Variants in SRGAP1 observed in about 807,000 individuals in gnomAD.
SRGAP1 encodes SLIT-ROBO Rho GTPase activating protein 1, also known as SLIT-ROBO Rho GTPase-activating protein 1.
SRGAP1 carries 43 observed loss-of-function variants against 121.9 expected under a neutral mutation model. That is an observed-to-expected ratio of 0.35 (90% CI 0.28 to 0.46). The LOEUF is 0.46. SRGAP1 is among the 20% of genes least tolerant of loss of function. The probability of loss-of-function intolerance (pLI) is 1.00; values close to 1 mark genes in which losing one functional copy is unlikely to be tolerated. For missense variants in SRGAP1, 1,102 were observed against 1,350.9 expected (o/e 0.82, Z 2.89); for synonymous variants, 447 against 485.4 (o/e 0.92, Z 1.04).
At chr12:63,858,166 C>G (rs752034436) in intron 1 of SRGAP1, among the ~76,000 whole-genome samples, 1 of 140,260 alleles carries the variant, frequency 7.1e-6, no homozygotes, top group African/African-American at 2.7e-5. Context: ...AGGCTATCTT[C>G]GTTGTATTTT....
At chr12:63,888,335 C>A (rs146347934) in intron 1 of SRGAP1, 1 of 152,222 alleles carries the variant, frequency 6.6e-6, no homozygotes, top group African/African-American at 2.4e-5. Context: ...TAGTATTAAG[C>A]TTATTGTATT....
chr12:64,095,373 A>C (rs1287889131), intron 14 of SRGAP1, among the ~76,000 whole-genome samples, 169 bp downstream of exon 14: 1 of 152,176 alleles, frequency 6.6e-6, no homozygotes, highest in Non-Finnish European at 1.5e-5. Context: ...TGGTACCAAA[A>C]CTATAAGCCC....
intron 7 of SRGAP1, among the ~76,000 whole-genome samples, chr12:64,063,861 T>C (rs1217107177): frequency 1.3e-5 from 2 of 151,994 alleles, no homozygotes; most frequent in African/African-American, 2.4e-5. Context: ...TATAAGATCA[T>C]GAAAAGATTT....
intron 1 of SRGAP1, among the ~76,000 whole-genome samples, chr12:63,938,392 G>A (rs2031742970): frequency 1.3e-5 from 2 of 152,160 alleles, no homozygotes; most frequent in African/African-American, 2.4e-5. Context: ...CAGGGTGTCC[G>A]GTTGTGCTCG....
chr12:63,874,200 A>G (rs1034767579), intron 1 of SRGAP1, among the ~76,000 whole-genome samples: 2 of 152,106 alleles, frequency 1.3e-5, no homozygotes, highest in Non-Finnish European at 2.9e-5. Context: ...GAACCATTAG[A>G]AAGTATGACT....
intron 15 of SRGAP1, among the ~76,000 whole-genome samples, chr12:64,104,374 G>T (rs998253904): frequency 7.9e-5 from 12 of 152,092 alleles, no homozygotes; most frequent in African/African-American, 2.9e-4. Flanking sequence ...TTGAATTGTG[G>T]AAAACAAAGC....
At position 64,043,577 on chromosome 12, in the gene SRGAP1, T is replaced by G. The variant is rs1234068747; in HGVS notation, c.801+2T>G. 6.3e-7 allele frequency: 1 copy of G among 1,591,746 alleles called. No individual in the cohort carries two copies. On this transcript the variant is annotated splice_donor_variant, in intron 6 of 21. Coordinates refer to ENST00000355086, the MANE Select transcript of SRGAP1 (RefSeq NM_020762.4). LOFTEE classifies it high-confidence loss of function. ...CATGATCTTTCTGATTTAATTGATG[T>G]GAGTACTTGAAGTTTTTGTCTTTTC...
Position 64,128,018 on chromosome 12 carries a change from C to G in SRGAP1, c.2698C>G (p.Arg900Gly), listed in dbSNP as rs768091956. ...TCACCCCCGGGGCCTGCTGCAGAAC[C>G]GTGGCCTCAACAATGACAGTCCTGA... ...ASHPRGLLQN[R>G]GLNNDSPERR... The change falls in exon 21 of 22, where the codon CGT becomes GGT. Residue 900 changes from arginine (R) to glycine (G), a missense_variant. Arg to Gly is a moderately radical substitution (Grantham distance 125, BLOSUM62 -2). This residue lies in a region of SRGAP1 where 315 missense variants were observed against 343.1 expected (regional missense o/e 0.92). Transcript: ENST00000355086. The G allele has an allele frequency of 2.5e-6, 4 of 1,614,076 alleles. No homozygotes were observed. The African/African-American group carries it at 5.3e-5, about 22-fold the overall frequency.
intron 10 of SRGAP1, among the ~76,000 whole-genome samples, chr12:64,084,814 C>T (rs1254056695): frequency 3.3e-5 from 5 of 151,958 alleles, no homozygotes; most frequent in Admixed American, 3.3e-4. Context: ...AAGGAATTCT[C>T]ATTGGCATCA....
At chr12:64,135,626 A>G (rs947839338) in intron 21 of SRGAP1, among the ~76,000 whole-genome samples, 10 of 152,206 alleles carry the variant, frequency 6.6e-5, no homozygotes, top group African/African-American at 2.2e-4. Flanking sequence ...TATTTTGCAT[A>G]ACTCTCTAAA....
At chr12:63,900,992 A>AT (rs201391666) in intron 1 of SRGAP1, among the ~76,000 whole-genome samples, 7,270 of 142,508 alleles carry the variant, frequency 0.051, 257 homozygotes, top group Middle Eastern at 0.15. Flanking sequence ...TTGTGCACCT[A>AT]TTTTTTTTTT....
At chr12:64,024,019 T>C (rs2034603050) in intron 4 of SRGAP1, among the ~76,000 whole-genome samples, 1 of 152,168 alleles carries the variant, frequency 6.6e-6, no homozygotes, top group South Asian at 2.1e-4. Context: ...GCTAAAAGAA[T>C]CAGTAAAACT....
chr12:63,901,225 T>C (rs2029910724), intron 1 of SRGAP1, among the ~76,000 whole-genome samples: 1 of 152,198 alleles, frequency 6.6e-6, no homozygotes, highest in Non-Finnish European at 1.5e-5. Flanking sequence ...TTCTTGCTTC[T>C]CCATACTAAG....
chr12:63,974,804 C>T (rs931179193), intron 1 of SRGAP1, among the ~76,000 whole-genome samples: 3 of 152,132 alleles, frequency 2.0e-5, no homozygotes, highest in African/African-American at 7.2e-5. Context: ...TTCAGCCACC[C>T]TAAACTTCCT....
intron 3 of SRGAP1, among the ~76,000 whole-genome samples, chr12:64,010,936 C>T (rs1309950098): frequency 6.6e-6 from 1 of 150,990 alleles, no homozygotes; most frequent in African/African-American, 2.4e-5. Flanking sequence ...ATTATAAAAT[C>T]AAAAGGAAGG....
intron 1 of SRGAP1, among the ~76,000 whole-genome samples, chr12:63,956,365 T>TGGCTTTG (rs2032469803): frequency 6.6e-6 from 1 of 152,110 alleles, no homozygotes; most frequent in Non-Finnish European, 1.5e-5. Context: ...GCACCCAGCC[T>TGGCTTTG]AAGTGTCATT....
At chr12:63,920,841 G>C (rs1366206272) in intron 1 of SRGAP1, among the ~76,000 whole-genome samples, 1 of 152,150 alleles carries the variant, frequency 6.6e-6, no homozygotes, top group African/African-American at 2.4e-5. Context: ...TAGATCCATT[G>C]ACGAAATGGG....
At chr12:63,969,262 C>T (rs1423647339) in intron 1 of SRGAP1, among the ~76,000 whole-genome samples, 1 of 151,832 alleles carries the variant, frequency 6.6e-6, no homozygotes, top group African/African-American at 2.4e-5. Flanking sequence ...TTGGATGAAT[C>T]TGATGGCAGA....
intron 15 of SRGAP1, among the ~76,000 whole-genome samples, chr12:64,102,406 T>C (rs564553282): frequency 6.6e-6 from 1 of 152,354 alleles, no homozygotes; most frequent in South Asian, 2.1e-4. Flanking sequence ...TATTGAGATA[T>C]AATTCTCATA....
Sources: allele counts gnomAD v4.1 joint callset (sites outside exome capture counted in the v4.1 genomes callset), GRCh38; gene constraint gnomAD v4.1.1; regional missense constraint gnomAD v4.1.1; transcripts MANE v1.5; gene names NCBI Gene and HGNC (gene_info 2026-07-23, HGNC 2026-07-21).